Variants in RABEP2 observed in about 807,000 individuals in gnomAD.
RABEP2 encodes rabaptin, RAB GTPase binding effector protein 2, also known as rab GTPase-binding effector protein 2.
Under a neutral mutation model 74.1 loss-of-function variants are expected in RABEP2, and 57 were observed. That is an observed-to-expected ratio of 0.77 (90% CI 0.62 to 0.96). RABEP2 has a LOEUF of 0.96. RABEP2 is among the 40% of genes least tolerant of loss of function. RABEP2 has a pLI of 0.00. For synonymous variants in RABEP2, 351 were observed against 344.0 expected (o/e 1.02, Z -0.23); for missense variants, 692 against 756.3 (o/e 0.91, Z 1.00).
At chr16:28,921,971 C>CA (rs1964473268) in intron 2 of RABEP2, among the ~76,000 whole-genome samples, 2 of 151,210 alleles carry the variant, frequency 1.3e-5, no homozygotes, top group South Asian at 2.1e-4. Flanking sequence ...TCTCAAAAAA[C>CA]AAAAAAACAA....
At chr16:28,918,268 A>G (rs1461115160) in intron 3 of RABEP2, among the ~76,000 whole-genome samples, 4 of 151,878 alleles carry the variant, frequency 2.6e-5, no homozygotes, top group African/African-American at 9.7e-5. Flanking sequence ...ATAATTGTTA[A>G]TAACAGCAAT....
chr16:28,925,006 C>T, intron 1 of RABEP2, 97 bp downstream of exon 1: 2 of 1,335,744 alleles, frequency 1.5e-6, no homozygotes, highest in Non-Finnish European at 2.1e-6. Context: ...CCGCCCCTTC[C>T]TCCATCATCC....
At chr16:28,923,979 T>C (rs1596706157) in intron 2 of RABEP2, 1 of 161,760 alleles carries the variant, frequency 6.2e-6, no homozygotes, top group Non-Finnish European at 1.3e-5. Context: ...TGGCGTGGGG[T>C]GGAGGGGGGA....
Position 28,904,942 on chromosome 16 carries a change from C to T in RABEP2, c.*1G>A, listed in dbSNP as rs1366864840. 1.2e-6 allele frequency: 2 copies of T among 1,609,526 alleles called. No individual in the cohort carries two copies. Among genetic ancestry groups the T allele is most frequent in the East Asian group, 4.5e-5 (2 of 44,842 alleles). On this transcript the variant is annotated 3_prime_UTR_variant, in exon 13 of 13. Transcript: ENST00000358201. ...GGTGGGGGTGGGGATATCCTGACCC[C>T]TCAGGTGTCCTTGATGTCCCTGACG...
rs112165632 is a variant in RABEP2 at position 28,911,656 on chromosome 16, GA to G, written c.895-478del. On this transcript the variant is annotated intron_variant, in intron 5 of 12. Coordinates refer to ENST00000358201, the MANE Select transcript of RABEP2 (RefSeq NM_024816.3). ...GAGTGAGATTCCGTCTCAAAAAAGA[GA>G]AAAAAAAAAAAAAAACAGGGCCAGG... Among the ~76,000 whole-genome samples the G allele has an allele frequency of 3.6e-3, 308 of 84,834 alleles. 3 individuals are homozygous for G. Among genetic ancestry groups the G allele is most frequent in the South Asian group, 0.03 (72 of 2,396 alleles). 55.7% of individuals were successfully genotyped at this position (84,834 alleles called of 152,430 possible).
In RABEP2 at chr16:28,914,269, G is replaced by A. The variant is rs760443544; in HGVS notation, c.861C>T (p.Val287=). Residue 287 remains valine, a synonymous_variant, in exon 5 of 13, where the codon GTC becomes GTT. Transcript: ENST00000358201. Reference sequence around the variant, plus strand: ...GCAGCTGCTCCCACTGAGTGTCTGGGACGAGCTGGTAGCCAGGAGGGGGCA... The same window carrying A: ...GCAGCTGCTCCCACTGAGTGTCTGGAACGAGCTGGTAGCCAGGAGGGGGCA... ...IYLPPPGYQL[V]PDTQWEQLQT... The A allele has an allele frequency of 2.5e-5, 41 of 1,610,152 alleles. No homozygotes were observed. The highest frequency in any genetic ancestry group is 3.2e-5 in the Non-Finnish European group (38 of 1,179,124).
chr16:28,906,252 G>GA (rs2152217920), intron 8 of RABEP2, 56 bp from the exon 9 acceptor site: 1 of 1,490,542 alleles, frequency 6.7e-7, no homozygotes, highest in South Asian at 1.3e-5. Context: ...AGGAGGGCAG[G>GA]GGCCACCAGC....
At chr16:28,919,608 G>A in intron 3 of RABEP2, 178 bp downstream of exon 3, 1 of 559,356 alleles carries the variant, frequency 1.8e-6, no homozygotes, top group Non-Finnish European at 2.8e-6. Flanking sequence ...CACTAATAAG[G>A]GGCAAGCCAG....
chr16:28,923,234 C>A (rs1370643219), intron 2 of RABEP2, among the ~76,000 whole-genome samples: 2 of 151,924 alleles, frequency 1.3e-5, no homozygotes, highest in African/African-American at 4.8e-5. Context: ...ATAGAGAGAC[C>A]CTGTTTCTAC....
Position 28,925,126 on chromosome 16 carries a change from T to C in RABEP2, c.38A>G (p.Glu13Gly). The C allele has an allele frequency of 2.6e-6, 4 of 1,532,972 alleles. No homozygotes were observed. The highest frequency in any genetic ancestry group is 3.5e-6 in the Non-Finnish European group (4 of 1,146,610). The allele number at this position is 1,532,972 out of a possible 1,614,324, so 95.0% of individuals were successfully genotyped here. ...ACCAGCCCCCGGCCGCCGCCGCCGC[T>C]CATCGTCGTCCGCGGCCACCGGCGC... is the stretch of plus-strand genomic sequence containing the variant. The part of the protein sequence containing the change: ...AAAPVAADDD[E>G]RRRRPGAALE... The change falls in exon 1 of 13, where the codon GAG becomes GGG. Residue 13 changes from glutamate to glycine, a missense_variant. Transcript: ENST00000358201.
At chr16:28,917,685 G>C (rs1187462335) in intron 3 of RABEP2, 2 of 152,312 alleles carry the variant, frequency 1.3e-5, no homozygotes, top group East Asian at 3.8e-4. Flanking sequence ...ACCTCCCAAA[G>C]GGCTAGGATT....
intron 3 of RABEP2, among the ~76,000 whole-genome samples, chr16:28,916,580 G>A (rs1964396104): frequency 1.3e-5 from 2 of 149,528 alleles, no homozygotes; most frequent in South Asian, 2.1e-4. Context: ...GCTGAGTCAC[G>A]AGAATCACTT....
In RABEP2 at chr16:28,924,434, C is replaced by G; in HGVS notation, c.243G>C (p.Glu81Asp). The change falls in exon 2 of 13, where the codon GAG (glutamate) becomes GAC (aspartate). Residue 81 changes from glutamate to aspartate, a missense_variant. Glu to Asp is a conservative substitution (Grantham distance 45). Transcript: ENST00000358201. ...GGATGGCCTGCAGCGAGGCCACCTC[C>G]TCTTGGCACTGCCGCTGCACCGCAG... The part of the protein sequence containing the change: ...AVAAVQRQCQ[E>D]EVASLQAILK... The G allele has an allele frequency of 1.2e-6, 2 of 1,613,622 alleles. No individual in the cohort carries two copies. Among genetic ancestry groups the G allele is most frequent in the East Asian group, 4.5e-5 (2 of 44,874 alleles).
intron 12 of RABEP2, 58 bp downstream of exon 12, chr16:28,905,339 C>T: frequency 1.6e-6 from 2 of 1,279,766 alleles, no homozygotes; most frequent in Admixed American, 1.8e-5. Context: ...TTGCAAGACC[C>T]AGGAGAGGTC....
At chr16:28,905,576 A>G in intron 11 of RABEP2, 63 bp from the exon 12 acceptor site, 4 of 1,497,382 alleles carry the variant, frequency 2.7e-6, no homozygotes, top group East Asian at 2.6e-5. Context: ...GGGAGGGTGC[A>G]TGGCCAGCCG....
In RABEP2 at chr16:28,904,984, C is replaced by T. The variant is rs944532957; in HGVS notation, c.1669G>A (p.Glu557Lys). 6.2e-7 allele frequency: 1 copy of T among 1,612,782 alleles called. No individual in the cohort carries two copies. Among genetic ancestry groups the T allele is most frequent in the Non-Finnish European group, 8.5e-7 (1 of 1,179,824 alleles). Residue 557 changes from glutamate (E) to lysine (K), a missense_variant, in exon 13 of 13, where the codon GAG becomes AAG. Glu to Lys is a moderately conservative substitution (Grantham distance 56). Transcript: ENST00000358201. ...TLEQVRSIMD[E>K]APLTDVRDIK... is the part of the protein sequence containing the mutation. Reference sequence around the variant, plus strand: ...TCCCTGACGTCCGTGAGTGGCGCCTCATCCATGATGCTGCGCACTTGCTCC... The same window carrying T: ...TCCCTGACGTCCGTGAGTGGCGCCTTATCCATGATGCTGCGCACTTGCTCC...
At chr16:28,905,587 T>C in intron 11 of RABEP2, 74 bp from the exon 12 acceptor site, 2 of 1,500,104 alleles carry the variant, frequency 1.3e-6, no homozygotes, top group Non-Finnish European at 1.8e-6. Flanking sequence ...TGGCCAGCCG[T>C]TGCCCCAGGG....
intron 8 of RABEP2, among the ~76,000 whole-genome samples, chr16:28,907,886 G>A (rs905574221): frequency 2.2e-4 from 34 of 152,084 alleles, no homozygotes; most frequent in Non-Finnish European, 8.8e-5. Context: ...TGCAACCTCC[G>A]CCTCCTGGGT....
chr16:28,905,594 A>C, intron 11 of RABEP2, 81 bp from the exon 12 acceptor site: 3 of 1,268,046 alleles, frequency 2.4e-6, no homozygotes, highest in Non-Finnish European at 3.1e-6. Flanking sequence ...CCGTTGCCCC[A>C]GGGCTTCCTC....
Sources: gnomAD v4.1 joint callset for allele counts (sites outside exome capture counted in the v4.1 genomes callset) on GRCh38, gnomAD v4.1.1 for gene constraint, MANE v1.5 for transcripts, NCBI Gene and HGNC (gene_info 2026-07-23, HGNC 2026-07-21) for gene names.